Variants in COL4A2 observed in about 807,000 individuals in gnomAD.
The protein encoded by COL4A2 is collagen type IV alpha 2 chain, also known as collagen alpha-2(IV) chain.
A neutral mutation model predicts 200.2 loss-of-function variants in COL4A2; 99 were observed. The ratio of observed to expected loss-of-function variants is 0.49; its 90% CI spans 0.42 to 0.58. COL4A2 has a LOEUF of 0.58. Ranked by LOEUF, COL4A2 falls within the 20% of genes least tolerant of loss-of-function variation. The pLI is 0.00. For synonymous variants in COL4A2, 897 were observed against 900.6 expected (o/e 1.00, Z 0.07); for missense variants, 1,950 against 2,314.1 (o/e 0.84, Z 3.23).
Position 110,505,206 on chromosome 13 carries a change from C to CGGG in COL4A2, c.4402+943_4402+945dup, listed in dbSNP as rs757219408. On this transcript the variant is annotated intron_variant, in intron 45 of 47. Coordinates refer to ENST00000360467, the MANE Select transcript of COL4A2 (RefSeq NM_001846.4). ...TCTACTAAAAATACAAAAAATTAGC[C>CGGG]GGGCGTGGTGGCGGGCGCCAGTAGT... Among the ~76,000 whole-genome samples the CGGG allele has an allele frequency of 1.5e-3, 231 of 151,844 alleles. 1 individual carries two copies. In the Middle Eastern group the frequency reaches 0.034, roughly 23 times the overall value.
At chr13:110,311,987 C>T (rs1302922913) in intron 3 of COL4A2, among the ~76,000 whole-genome samples, 4 of 152,212 alleles carry the variant, frequency 2.6e-5, no homozygotes, top group African/African-American at 4.8e-5. Flanking sequence ...AAGTCCTTTC[C>T]GCAGGCTTTG....
At chr13:110,485,218 TC>T (rs1239018026) in intron 33 of COL4A2, among the ~76,000 whole-genome samples, 191 bp downstream of exon 33, 1 of 152,298 alleles carries the variant, frequency 6.6e-6, no homozygotes, top group East Asian at 1.9e-4. Flanking sequence ...AACCTCGGTT[TC>T]CCATCTTAAG....
intron 44 of COL4A2, 51 bp from the exon 45 acceptor site, chr13:110,504,097 G>A (rs201116351): frequency 1.2e-4 from 195 of 1,589,440 alleles, no homozygotes; most frequent in Non-Finnish European, 1.5e-4. Context: ...ATCGCCGGCC[G>A]TGCCAGGCGT....
chr13:110,374,682 C>T (rs537157340), intron 4 of COL4A2, among the ~76,000 whole-genome samples: 2 of 152,298 alleles, frequency 1.3e-5, no homozygotes, highest in East Asian at 3.9e-4. Context: ...GAAAGGTTCT[C>T]CAAATATAGC....
intron 47 of COL4A2, among the ~76,000 whole-genome samples, chr13:110,511,396 A>C (rs1213191188): frequency 1.3e-5 from 2 of 152,194 alleles, no homozygotes; most frequent in Non-Finnish European, 2.9e-5. Flanking sequence ...AAAAAAAATA[A>C]AACCACTCAT....
At chr13:110,422,918 G>A (rs923377795) in intron 4 of COL4A2, among the ~76,000 whole-genome samples, 1 of 152,194 alleles carries the variant, frequency 6.6e-6, no homozygotes, top group Non-Finnish European at 1.5e-5. Flanking sequence ...CACTTCAACT[G>A]TGTGGATTGC....
intron 3 of COL4A2, among the ~76,000 whole-genome samples, chr13:110,337,981 A>G (rs1047369724): frequency 6.6e-6 from 1 of 152,182 alleles, no homozygotes. Flanking sequence ...TTGTAGGTTA[A>G]TGAGGCCAGG....
intron 4 of COL4A2, among the ~76,000 whole-genome samples, chr13:110,414,704 A>G (rs1018709172): frequency 1.3e-5 from 2 of 152,244 alleles, no homozygotes. Context: ...GTAAATGTGA[A>G]AAGTGATATT....
chr13:110,438,976 G>A (rs1036545417), intron 15 of COL4A2, among the ~76,000 whole-genome samples: 2 of 152,232 alleles, frequency 1.3e-5, no homozygotes, highest in African/African-American at 4.8e-5. Flanking sequence ...CTTTCTGGTT[G>A]TGTGTGTTCA....
intron 3 of COL4A2, among the ~76,000 whole-genome samples, chr13:110,330,615 C>T (rs1309463772): frequency 6.6e-6 from 1 of 152,314 alleles, no homozygotes; most frequent in East Asian, 1.9e-4. Context: ...TTCCAAGTGT[C>T]CGATGTCTGT....
At chr13:110,429,501 T>C (rs1880595395) in intron 7 of COL4A2, among the ~76,000 whole-genome samples, 1 of 152,248 alleles carries the variant, frequency 6.6e-6, no homozygotes, top group Admixed American at 6.5e-5. Context: ...CAGTATCTAT[T>C]CTGCAAATGG....
At chr13:110,415,217 T>C (rs1159166016) in intron 4 of COL4A2, among the ~76,000 whole-genome samples, 2 of 152,230 alleles carry the variant, frequency 1.3e-5, no homozygotes, top group Non-Finnish European at 2.9e-5. Context: ...AACTCTGTTA[T>C]TTGTTGTGTC....
At chr13:110,422,777 C>T (rs953142300) in intron 4 of COL4A2, among the ~76,000 whole-genome samples, 1 of 152,182 alleles carries the variant, frequency 6.6e-6, no homozygotes, top group African/African-American at 2.4e-5. Flanking sequence ...ATGCCTGGGG[C>T]CTAACATCTC....
rs376694121 is a variant in COL4A2, at chr13:110,473,120, C to T, written c.2395C>T (p.Pro799Ser). Residue 799 changes from proline (P) to serine (S), a missense_variant, in exon 29 of 48, where the codon CCC becomes TCC. Coordinates refer to ENST00000360467, the MANE Select transcript of COL4A2 (RefSeq NM_001846.4). The stretch of plus-strand genomic sequence containing the variant: ...TGGACAGCCTGGGCTTAAAGGCCTT[C>T]CCGGAGACAGAGGCCCCCCTGGATT... Reference protein sequence around the residue: ...VPGQPGLKGLPGDRGPPGFRG... With the variant: ...VPGQPGLKGLSGDRGPPGFRG... 25 of 1,561,710 alleles carry T rather than the reference C, an allele frequency of 1.6e-5. No homozygotes were observed. Among genetic ancestry groups the T allele is most frequent in the Admixed American group, 3.8e-5 (2 of 52,458 alleles).
At chr13:110,511,660 C>CT (rs528368677) in intron 47 of COL4A2, among the ~76,000 whole-genome samples, 10 of 152,322 alleles carry the variant, frequency 6.6e-5, no homozygotes, top group Admixed American at 5.9e-4. Flanking sequence ...GGCTCTAGTT[C>CT]TTACCGAACG....
chr13:110,368,899 A>G (rs1877876596), intron 4 of COL4A2, among the ~76,000 whole-genome samples: 1 of 151,694 alleles, frequency 6.6e-6, no homozygotes, highest in African/African-American at 2.4e-5. Flanking sequence ...TTAATGTGAA[A>G]TCCAAGAAGA....
chr13:110,371,608 T>C (rs774659560), intron 4 of COL4A2, among the ~76,000 whole-genome samples: 1 of 152,218 alleles, frequency 6.6e-6, no homozygotes, highest in South Asian at 2.1e-4. Context: ...TTAAAATTTA[T>C]CATGTTTTTA....
chr13:110,479,001 TC>T (rs947707735), intron 30 of COL4A2, among the ~76,000 whole-genome samples: 5 of 152,150 alleles, frequency 3.3e-5, no homozygotes, highest in Non-Finnish European at 7.4e-5. Flanking sequence ...CACACTGGCT[TC>T]CCCCATGTGG....
intron 3 of COL4A2, among the ~76,000 whole-genome samples, chr13:110,349,515 C>T (rs933514618): frequency 6.6e-6 from 1 of 152,246 alleles, no homozygotes; most frequent in African/African-American, 2.4e-5. Flanking sequence ...TCCAACTCCA[C>T]TGTATCCCAT....
Sources: gnomAD v4.1 joint callset for allele counts (sites outside exome capture counted in the v4.1 genomes callset) on GRCh38, gnomAD v4.1.1 for gene constraint, MANE v1.5 for transcripts, NCBI Gene and HGNC (gene_info 2026-07-23, HGNC 2026-07-21) for gene names.